The following FIRRM variants were observed in gnomAD, a reference collection of about 807,000 sequenced individuals.
FIRRM encodes the protein FIGNL1-interacting regulator of recombination and mitosis.
the FIRRM span, chr1:169,804,248 A>G: frequency 6.8e-7 from 1 of 1,469,728 alleles, no homozygotes; most frequent in South Asian, 1.5e-5. Context: ...TAGGTGAGTG[A>G]AGAAAACTTT....
the FIRRM span, chr1:169,847,576 T>C: frequency 2.9e-6 from 2 of 697,990 alleles, no homozygotes; most frequent in East Asian, 5.2e-5. Flanking sequence ...TGTTTTTTTC[T>C]GGGTTTGGTT....
the FIRRM span, among the ~76,000 whole-genome samples, chr1:169,786,374 G>A: frequency 6.6e-6 from 1 of 152,156 alleles, no homozygotes; most frequent in Non-Finnish European, 1.5e-5. Context: ...TTTAATCTGT[G>A]GAAAGCTTAG....
At chr1:169,810,908 G>A in the FIRRM span, among the ~76,000 whole-genome samples, 5 of 125,174 alleles carry the variant, frequency 4.0e-5, no homozygotes, top group South Asian at 2.6e-4. Context: ...GCCGGACTGC[G>A]GACTGCAGTG....
At chr1:169,793,037 C>G in the FIRRM span, 1 of 1,614,140 alleles carries the variant, frequency 6.2e-7, no homozygotes. Context: ...AATCACCATA[C>G]TGTTATAATC....
the FIRRM span, chr1:169,832,458 A>G: frequency 9.9e-6 from 16 of 1,613,676 alleles, no homozygotes; most frequent in Non-Finnish European, 1.4e-5. Context: ...TCATCAACCT[A>G]TCAATACTGT....
chr1:169,852,996 A>T, the FIRRM span: 1 of 1,612,768 alleles, frequency 6.2e-7, no homozygotes, highest in South Asian at 1.1e-5. Flanking sequence ...GAAACTTATC[A>T]CTAGGCAGAA....
At chr1:169,851,004 TTTATTTGG>T in the FIRRM span, 1 of 47,784 alleles carries the variant, frequency 2.1e-5, no homozygotes, top group Non-Finnish European at 3.9e-5. Flanking sequence ...TTTTTTTTTT[TTTATTTGG>T]GCAGCCTCCC....
chr1:169,840,290 T>C, the FIRRM span, among the ~76,000 whole-genome samples: 1 of 152,238 alleles, frequency 6.6e-6, no homozygotes, highest in African/African-American at 2.4e-5. Flanking sequence ...AGGAAAAGCA[T>C]TGAATCTGTA....
the FIRRM span, among the ~76,000 whole-genome samples, chr1:169,798,596 T>A: frequency 9.3e-4 from 140 of 150,548 alleles, no homozygotes; most frequent in Middle Eastern, 6.9e-3. Context: ...TAAAAAAAAA[T>A]AAATAAATAA....
chr1:169,841,822 A>G, the FIRRM span, among the ~76,000 whole-genome samples: 1 of 152,156 alleles, frequency 6.6e-6, no homozygotes, highest in Non-Finnish European at 1.5e-5. Flanking sequence ...TATCAAAACT[A>G]TTTATTAAAG....
At chr1:169,830,774 A>G in the FIRRM span, 1 of 1,603,462 alleles carries the variant, frequency 6.2e-7, no homozygotes, top group Non-Finnish European at 8.5e-7. Flanking sequence ...GGCCTAAAAC[A>G]CCCACTTTCT....
At chr1:169,804,344 A>C in the FIRRM span, 18 of 920,294 alleles carry the variant, frequency 2.0e-5, 1 homozygote, top group East Asian at 5.4e-4. Flanking sequence ...ATTATGCATT[A>C]AAATTGATTT....
the FIRRM span, among the ~76,000 whole-genome samples, chr1:169,844,590 G>T: frequency 6.6e-6 from 1 of 152,184 alleles, no homozygotes. Context: ...TTTTAATGGT[G>T]TATGTATATG....
the FIRRM span, among the ~76,000 whole-genome samples, chr1:169,791,153 C>A: frequency 6.6e-6 from 1 of 152,294 alleles, no homozygotes; most frequent in Admixed American, 6.5e-5. Context: ...TCCTAACAGG[C>A]CACGGACCAG....
chr1:169,793,130 T>G, the FIRRM span: 1 of 1,614,196 alleles, frequency 6.2e-7, no homozygotes, highest in South Asian at 1.1e-5. Context: ...CAAGACTTTT[T>G]TCCCAGCAAA....
chr1:169,830,051 C>G, the FIRRM span, among the ~76,000 whole-genome samples: 1 of 152,126 alleles, frequency 6.6e-6, no homozygotes, highest in Non-Finnish European at 1.5e-5. Flanking sequence ...CTCCATAGCA[C>G]AGCACAGTAC....
chr1:169,831,143 T>A, the FIRRM span, among the ~76,000 whole-genome samples: 2 of 152,232 alleles, frequency 1.3e-5, no homozygotes, highest in African/African-American at 4.8e-5. Flanking sequence ...TATTTTTTTT[T>A]TAAGTCAAGA....
the FIRRM span, chr1:169,832,492 G>A: frequency 1.2e-6 from 2 of 1,612,358 alleles, no homozygotes. Context: ...TTTCTTCATG[G>A]CACCACCCCA....
chr1:169,850,406 T>A, the FIRRM span: 1 of 1,122,918 alleles, frequency 8.9e-7, no homozygotes, highest in South Asian at 1.4e-5. Context: ...TCCGAAATTA[T>A]GTAACTGTAA....
Sources: gnomAD v4.1 joint callset for allele counts (sites outside exome capture counted in the v4.1 genomes callset) on GRCh38, gnomAD v4.1.1 for gene constraint, MANE v1.5 for transcripts, NCBI Gene and HGNC (gene_info 2026-07-23, HGNC 2026-07-21) for gene names.